The following SENP1 variants were observed in gnomAD, a reference collection of about 807,000 sequenced individuals.
SENP1 encodes the protein SUMO specific peptidase 1, also known as sentrin-specific protease 1.
SENP1 carries 21 observed loss-of-function variants against 93.0 expected under a neutral mutation model. The observed-to-expected ratio is 0.23, with a 90% CI of 0.16 to 0.33. The LOEUF (loss-of-function observed/expected upper bound fraction) is 0.33, where lower values mean the gene tolerates loss of function less well. Ranked by LOEUF, SENP1 falls within the 10% of genes least tolerant of loss-of-function variation. SENP1 has a pLI of 1.00. For missense variants in SENP1, 591 were observed against 758.7 expected (o/e 0.78, Z 2.60); for synonymous variants, 256 against 259.6 (o/e 0.99, Z 0.13).
chr12:48,083,265 C>T (rs61356079), intron 6 of SENP1, among the ~76,000 whole-genome samples: 3,702 of 152,138 alleles, frequency 0.024, 148 homozygotes, highest in African/African-American at 0.078. Context: ...TAGGAGACAA[C>T]GGTTTAGGAA....
At chr12:48,104,932 A>C (rs1193529033) in intron 1 of SENP1, among the ~76,000 whole-genome samples, 1 of 152,242 alleles carries the variant, frequency 6.6e-6, no homozygotes, top group African/African-American at 2.4e-5. Flanking sequence ...AGGGTGGTAG[A>C]GTGTAAACTG....
At chr12:48,057,941 C>T (rs1290758902) in intron 13 of SENP1, among the ~76,000 whole-genome samples, 25 of 85,688 alleles carry the variant, frequency 2.9e-4, no homozygotes, top group African/African-American at 9.2e-4. Flanking sequence ...TTTATTTCCT[C>T]TTTTTTTTTT....
chr12:48,095,296 G>A (rs1945483503), intron 4 of SENP1, among the ~76,000 whole-genome samples: 1 of 152,020 alleles, frequency 6.6e-6, no homozygotes, highest in African/African-American at 2.4e-5. Flanking sequence ...CAGCACTTTG[G>A]GAGGGGGAGC....
Position 48,105,931 on chromosome 12 carries a change from C to T in SENP1, c.-45+97G>A. The T allele has an allele frequency of 1.0e-5, 7 of 677,818 alleles. 1 individual carries two copies. The highest frequency in any genetic ancestry group is 9.2e-5 in the South Asian group (6 of 64,990). The allele number at this position is 677,818 out of a possible 1,614,324, so 42.0% of individuals were successfully genotyped here. ...GCCCCACAGTGCTCCCCGCTTCCGC[C>T]CAGTCCAGCCCGGGCCGGCTGACCG... On this transcript the variant is annotated intron_variant, in intron 1 of 17. Coordinates refer to ENST00000549518, the MANE Select transcript of SENP1 (RefSeq NM_001267594.2).
At chr12:48,055,661 G>A (rs1385429343) in intron 13 of SENP1, 1 of 151,674 alleles carries the variant, frequency 6.6e-6, no homozygotes, top group Non-Finnish European at 1.5e-5. Flanking sequence ...TCCAACCGGA[G>A]ATGTGCTATA....
At chr12:48,069,942 C>T (rs942769979) in intron 9 of SENP1, among the ~76,000 whole-genome samples, 6 of 152,268 alleles carry the variant, frequency 3.9e-5, no homozygotes, top group East Asian at 1.9e-4. Flanking sequence ...ATCTTCTCAA[C>T]GGAAAACTGA....
rs191951739 is a variant in SENP1 at position 48,076,967 on chromosome 12, G to C, written c.553-2174C>G. 4.0e-4 allele frequency among the ~76,000 whole-genome samples: 61 copies of C among 152,176 alleles called. No individual in the cohort carries two copies. The East Asian group carries it at 0.012, about 29-fold the overall frequency. ...GCCACCAATTTGTAGTTTAACACTT[G>C]GTCTCCTTCCACCCTCCCATCTTGT... On this transcript the variant is annotated intron_variant, in intron 6 of 17. Transcript: ENST00000549518.
chr12:48,092,367 A>C (rs1945276841), intron 4 of SENP1, among the ~76,000 whole-genome samples: 1 of 152,254 alleles, frequency 6.6e-6, no homozygotes, highest in African/African-American at 2.4e-5. Context: ...AATTGGAATG[A>C]GTGTGGAAAG....
intron 9 of SENP1, among the ~76,000 whole-genome samples, chr12:48,068,117 ATC>A (rs1158898820): frequency 6.6e-6 from 1 of 152,068 alleles, no homozygotes; most frequent in Non-Finnish European, 1.5e-5. Context: ...CCGGTGATCC[ATC>A]CACCTTGGCC....
chr12:48,046,251 G>C, intron 17 of SENP1, 105 bp downstream of exon 17: 1 of 726,158 alleles, frequency 1.4e-6, no homozygotes, highest in Non-Finnish European at 2.5e-6. Flanking sequence ...GCATGCTAAA[G>C]GTTAGGGTAG....
Position 48,071,697 on chromosome 12 carries a change from T to C in SENP1, c.965A>G (p.Lys322Arg), listed in dbSNP as rs747478434. Residue 322 changes from lysine to arginine, a missense_variant, in exon 9 of 18, where the codon AAA becomes AGA. Lys to Arg is a conservative substitution (Grantham distance 26, BLOSUM62 2). This residue lies in a region of SENP1 where 238 missense variants were observed against 259.1 expected (regional missense o/e 0.92). Transcript: ENST00000549518. ...AGTTGGAGTCTGGGAATCTTTCACT[T>C]TCAGTAAAATCACAGAGTCTGATCC... The part of the protein sequence containing the change: ...SEGSDSVILL[K>R]VKDSQTPTPS... 3 of 1,609,188 alleles carry C rather than the reference T, an allele frequency of 1.9e-6. No individual in the cohort carries two copies. In the South Asian group the frequency reaches 3.3e-5, roughly 18 times the overall value.
intron 5 of SENP1, among the ~76,000 whole-genome samples, chr12:48,088,283 G>T (rs1252127454): frequency 6.6e-6 from 1 of 152,144 alleles, no homozygotes; most frequent in Non-Finnish European, 1.5e-5. Context: ...TGGAACTCCT[G>T]ACCTCAGGTG....
chr12:48,104,288 G>T (rs1409213406), intron 1 of SENP1, among the ~76,000 whole-genome samples: 4 of 129,400 alleles, frequency 3.1e-5, no homozygotes, highest in African/African-American at 1.2e-4. Context: ...GGGAGGGAGA[G>T]AGAGAGAGAG....
chr12:48,063,812 A>T lies in SENP1; in HGVS notation c.1305T>A (p.Phe435Leu), dbSNP rs1255226483. 1.2e-6 allele frequency: 2 copies of T among 1,612,486 alleles called. No homozygotes were observed. The highest frequency in any genetic ancestry group is 1.7e-6 in the Non-Finnish European group (2 of 1,179,448). ...EEMEKEIKNVFRNGNQDEVLS... is the reference protein window; with the variant it reads ...EEMEKEIKNVLRNGNQDEVLS... ...GAACTTCATCCTGATTCCCATTACG[A>T]AATACATTCTTTATTTCTTTCTCCA... Residue 435 changes from phenylalanine to leucine, a missense_variant, in exon 13 of 18, where the codon TTT (phenylalanine) becomes TTA (leucine). Phe to Leu is a conservative substitution (Grantham distance 22). Coordinates refer to ENST00000549518, the MANE Select transcript of SENP1 (RefSeq NM_001267594.2).
At chr12:48,081,575 T>G (rs1944495872) in intron 6 of SENP1, 1 of 149,308 alleles carries the variant, frequency 6.7e-6, no homozygotes, top group Non-Finnish European at 1.5e-5. Context: ...TTTTCGTTTT[T>G]TTTTTTTTTT....
chr12:48,058,916 A>C (rs1942774688), intron 13 of SENP1, among the ~76,000 whole-genome samples: 1 of 152,108 alleles, frequency 6.6e-6, no homozygotes, highest in Admixed American at 6.6e-5. Flanking sequence ...CTACTGACAA[A>C]TTTGTTTCTT....
At chr12:48,065,835 C>T (rs1395705007) in intron 10 of SENP1, among the ~76,000 whole-genome samples, 155 bp from the exon 11 acceptor site, 1 of 152,044 alleles carries the variant, frequency 6.6e-6, no homozygotes, top group African/African-American at 2.4e-5. Context: ...TAGAGTGAAA[C>T]CACATAATGT....
intron 8 of SENP1, among the ~76,000 whole-genome samples, chr12:48,073,204 T>C (rs1943834491): frequency 6.6e-6 from 1 of 152,166 alleles, no homozygotes; most frequent in Non-Finnish European, 1.5e-5. Flanking sequence ...ATGTAGTATA[T>C]TTGTTTCAAC....
chr12:48,068,970 T>A (rs1208300391), intron 9 of SENP1, among the ~76,000 whole-genome samples: 1 of 151,654 alleles, frequency 6.6e-6, no homozygotes, highest in African/African-American at 2.4e-5. Flanking sequence ...TTGGCCAACA[T>A]GGTGAAACCC....
Sources: allele counts gnomAD v4.1 joint callset (sites outside exome capture counted in the v4.1 genomes callset), GRCh38; gene constraint gnomAD v4.1.1; regional missense constraint gnomAD v4.1.1; transcripts MANE v1.5; gene names NCBI Gene and HGNC (gene_info 2026-07-23, HGNC 2026-07-21).